Variants in GABRG1 observed in about 807,000 individuals in gnomAD.
GABRG1 encodes the protein gamma-aminobutyric acid type A receptor subunit gamma1.
Under a neutral mutation model 49.8 loss-of-function variants are expected in GABRG1, and 49 were observed. The observed-to-expected ratio is 0.98, with a 90% CI of 0.78 to 1.25. The LOEUF (loss-of-function observed/expected upper bound fraction) is 1.25. Among genes scored for constraint, GABRG1 ranks in the 50% most tolerant of loss-of-function variants. The pLI is 0.00. For synonymous variants in GABRG1, 232 were observed against 185.1 expected (o/e 1.25, Z -2.06); for missense variants, 552 against 552.3 (o/e 1.00, Z 0.01).
At chr4:46,109,499 TG>T (rs1720655474) in intron 1 of GABRG1, among the ~76,000 whole-genome samples, 1 of 151,208 alleles carries the variant, frequency 6.6e-6, no homozygotes, top group South Asian at 2.1e-4. Flanking sequence ...CAAATTTTTG[TG>T]TCTCCATTAC....
intron 5 of GABRG1, among the ~76,000 whole-genome samples, chr4:46,064,046 A>G (rs1264772689): frequency 6.6e-6 from 1 of 152,136 alleles, no homozygotes; most frequent in Non-Finnish European, 1.5e-5. Context: ...AATTTTTGAA[A>G]CACATTTCAA....
At chr4:46,042,426 A>T (rs1717821719) in intron 8 of GABRG1, among the ~76,000 whole-genome samples, 1 of 151,958 alleles carries the variant, frequency 6.6e-6, no homozygotes, top group African/African-American at 2.4e-5. Flanking sequence ...ACATATTTTG[A>T]GGGTTATCTC....
At position 46,040,810 on chromosome 4, in the gene GABRG1, A is replaced by G. The variant is rs1343877019; in HGVS notation, c.*178T>C. On this transcript the variant is annotated 3_prime_UTR_variant, in exon 9 of 9. Transcript: ENST00000295452. ...TTTGCAACTAATCAGTTTCACGTAA[A>G]TTAGCCTGAAAGCTGCTACTTTATT... 1.8e-6 allele frequency: 1 copy of G among 550,330 alleles called. No homozygotes were observed. The highest frequency in any genetic ancestry group is 1.9e-5 in the African/African-American group (1 of 51,860). 34.1% of individuals were successfully genotyped at this position (550,330 alleles called of 1,614,324 possible).
intron 1 of GABRG1, among the ~76,000 whole-genome samples, chr4:46,100,301 A>G (rs1367710148): frequency 1.3e-5 from 2 of 151,494 alleles, no homozygotes; most frequent in Non-Finnish European, 3.0e-5. Flanking sequence ...GAGGGGAGCA[A>G]CACACACTGC....
intron 3 of GABRG1, among the ~76,000 whole-genome samples, chr4:46,083,546 A>T (rs1577654570): frequency 6.6e-6 from 1 of 151,554 alleles, no homozygotes; most frequent in East Asian, 1.9e-4. Context: ...CTTACTTTAC[A>T]CTTTATATTC....
At chr4:46,088,169 T>G (rs1167852563) in intron 2 of GABRG1, among the ~76,000 whole-genome samples, 1 of 151,974 alleles carries the variant, frequency 6.6e-6, no homozygotes, top group Non-Finnish European at 1.5e-5. Flanking sequence ...ATTTTGAAAA[T>G]TTCTGGGCAG....
chr4:46,082,398 A>G (rs1719609529), intron 3 of GABRG1, among the ~76,000 whole-genome samples: 2 of 151,638 alleles, frequency 1.3e-5, no homozygotes, highest in African/African-American at 4.8e-5. Flanking sequence ...GTTTCTCAAA[A>G]TAGTAGTTTA....
chr4:46,092,017 G>A (rs902651836), intron 2 of GABRG1, among the ~76,000 whole-genome samples: 2 of 151,960 alleles, frequency 1.3e-5, no homozygotes, highest in Non-Finnish European at 1.5e-5. Flanking sequence ...AGAAAATTGA[G>A]TGATATTTAT....
intron 1 of GABRG1, among the ~76,000 whole-genome samples, chr4:46,116,395 A>T (rs1720887954): frequency 6.6e-6 from 1 of 150,834 alleles, no homozygotes; most frequent in South Asian, 2.1e-4. Flanking sequence ...TAGAAAAAAA[A>T]TACAAATCGT....
chr4:46,087,395 A>G (rs1459168358), intron 2 of GABRG1, among the ~76,000 whole-genome samples: 3 of 151,710 alleles, frequency 2.0e-5, no homozygotes, highest in Admixed American at 1.3e-4. Flanking sequence ...TTGAAATAAT[A>G]TAAGTATATT....
intron 1 of GABRG1, among the ~76,000 whole-genome samples, chr4:46,115,936 A>G (rs1300866931): frequency 6.7e-6 from 1 of 149,160 alleles, no homozygotes; most frequent in African/African-American, 2.5e-5. Flanking sequence ...GTTTTTAGAA[A>G]GAGGATAAAA....
At chr4:46,043,964 A>G (rs1180281266) in intron 8 of GABRG1, among the ~76,000 whole-genome samples, 1 of 152,044 alleles carries the variant, frequency 6.6e-6, no homozygotes, top group African/African-American at 2.4e-5. Flanking sequence ...TAATTATTAT[A>G]CCATCTGCTA....
chr4:46,119,892 G>T (rs1721045609), intron 1 of GABRG1, among the ~76,000 whole-genome samples: 2 of 151,626 alleles, frequency 1.3e-5, no homozygotes, highest in Non-Finnish European at 3.0e-5. Flanking sequence ...TCACTCTACT[G>T]CACTTAAAAC....
At chr4:46,065,952 G>C (rs749834655) in intron 3 of GABRG1, among the ~76,000 whole-genome samples, 1 of 152,092 alleles carries the variant, frequency 6.6e-6, no homozygotes, top group East Asian at 1.9e-4. Context: ...TCGATCTCCT[G>C]ACCTCGTGAT....
At chr4:46,055,047 G>C (rs1718379290) in intron 7 of GABRG1, among the ~76,000 whole-genome samples, 1 of 82,722 alleles carries the variant, frequency 1.2e-5, no homozygotes, top group South Asian at 3.4e-4. Context: ...CGTGGGCAAG[G>C]ACTTCATGTC....
chr4:46,087,779 G>A (rs1052363357), intron 2 of GABRG1, among the ~76,000 whole-genome samples: 27 of 151,828 alleles, frequency 1.8e-4, no homozygotes, highest in Non-Finnish European at 3.1e-4. Context: ...TACCAAGCTC[G>A]AGTTTAGATA....
chr4:46,080,436 T>G (rs544646967), intron 3 of GABRG1, among the ~76,000 whole-genome samples: 4 of 152,024 alleles, frequency 2.6e-5, no homozygotes, highest in Admixed American at 2.0e-4. Flanking sequence ...CTTTTCTTTT[T>G]AATAAACATT....
intron 1 of GABRG1, among the ~76,000 whole-genome samples, chr4:46,106,054 A>G (rs775594287): frequency 1.3e-5 from 2 of 151,386 alleles, no homozygotes; most frequent in Non-Finnish European, 3.0e-5. Context: ...CTACACTGTG[A>G]CCTGGTATGA....
intron 2 of GABRG1, among the ~76,000 whole-genome samples, chr4:46,094,670 G>A (rs1020592965): frequency 5.3e-5 from 8 of 151,952 alleles, no homozygotes; most frequent in African/African-American, 1.7e-4. Context: ...AGTACCTCAT[G>A]CTTCTACAAG....
Sources: gnomAD v4.1 joint callset for allele counts (sites outside exome capture counted in the v4.1 genomes callset) on GRCh38, gnomAD v4.1.1 for gene constraint, MANE v1.5 for transcripts, NCBI Gene and HGNC (gene_info 2026-07-23, HGNC 2026-07-21) for gene names.